TTPAL: variants seen among roughly 807,000 people sequenced by gnomAD.
The protein encoded by TTPAL is alpha-tocopherol transfer protein-like.
TTPAL carries 21 observed loss-of-function variants against 28.7 expected under a neutral mutation model. That is an observed-to-expected ratio of 0.73 (90% CI 0.52 to 1.06). The LOEUF (loss-of-function observed/expected upper bound fraction) is 1.06, where lower values mean the gene tolerates loss of function less well. Among genes scored for constraint, TTPAL ranks in the 50% least tolerant of loss-of-function variants. The pLI is 0.00. For missense variants in TTPAL, 345 were observed against 425.5 expected, an observed-to-expected ratio of 0.81 and a Z score of 1.67; for synonymous variants, 169 against 171.9, an observed-to-expected ratio of 0.98 and a Z score of 0.13.
chr20:44,479,801 A>C (rs1397022006), intron 1 of TTPAL, among the ~76,000 whole-genome samples, 184 bp from the exon 2 acceptor site: 1 of 152,140 alleles, frequency 6.6e-6, no homozygotes, highest in African/African-American at 2.4e-5. Context: ...CCTGGGGACT[A>C]ACAGCAGCCG....
In TTPAL at chr20:44,480,104, G is replaced by A; in HGVS notation, c.105G>A (p.Leu35=). 4 of 1,614,186 alleles carry A rather than the reference G, an allele frequency of 2.5e-6. No individual in the cohort carries two copies. Among genetic ancestry groups the A allele is most frequent in the Non-Finnish European group, 3.4e-6 (4 of 1,180,036 alleles). ...AGCCTCCGGGCTATGTGTGCTCACT[G>A]ACAGAAGACCTGGTCACCAAAGCCC... The part of the protein sequence containing the change: ...PPEPPGYVCS[L]TEDLVTKARE... Residue 35 remains leucine, a synonymous_variant, in exon 2 of 5, where the codon CTG becomes CTA. Coordinates refer to ENST00000262605, the MANE Select transcript of TTPAL (RefSeq NM_001039199.3). This position sits in a 1 kb window ranked among gnomAD's most constrained non-coding sequence, Gnocchi z 4.1.
chr20:44,477,643 C>CTATCTATCTATT, intron 1 of TTPAL, among the ~76,000 whole-genome samples: 1 of 149,976 alleles, frequency 6.7e-6, no homozygotes, highest in South Asian at 2.1e-4. Flanking sequence ...ATCTATCTAT[C>CTATCTATCTATT]TATTTATTTA....
At chr20:44,484,732 G>T (rs1600791199) in intron 3 of TTPAL, among the ~76,000 whole-genome samples, 1 of 152,210 alleles carries the variant, frequency 6.6e-6, no homozygotes, top group African/African-American at 2.4e-5. Context: ...CTCTGGAGTA[G>T]GTACTTCAGT....
chr20:44,493,541 G>C lies in TTPAL; in HGVS notation c.*4000G>C, dbSNP rs533871468. Reference sequence around the variant, plus strand: ...TTAAAGTTGCCAACATTTAATTAAGGTTTTCCTTTGAAGCCTCCTTTAATT... The same window carrying C: ...TTAAAGTTGCCAACATTTAATTAAGCTTTTCCTTTGAAGCCTCCTTTAATT... On this transcript the variant is annotated 3_prime_UTR_variant, in exon 5 of 5. Transcript: ENST00000262605. 3 of 152,226 alleles carry C rather than the reference G, an allele frequency of 2.0e-5. No individual in the cohort carries two copies. Among genetic ancestry groups the C allele is most frequent in the Non-Finnish European group, 4.4e-5 (3 of 68,026 alleles). The allele number at this position is 152,226 out of a possible 1,614,324, so 9.4% of individuals were successfully genotyped here.
chr20:44,479,055 C>T (rs1482792765), intron 1 of TTPAL, among the ~76,000 whole-genome samples: 1 of 152,220 alleles, frequency 6.6e-6, no homozygotes, highest in Non-Finnish European at 1.5e-5. Flanking sequence ...TCCCAAAATG[C>T]TGGGATTACA....
rs1230433486 is a variant in TTPAL, at chr20:44,486,636, A to G, written c.680A>G (p.Asn227Ser). Residue 227 changes from asparagine (N) to serine (S), a missense_variant, in exon 4 of 5, where the codon AAT (asparagine) becomes AGT (serine). Coordinates refer to ENST00000262605, the MANE Select transcript of TTPAL (RefSeq NM_001039199.3). The stretch of plus-strand genomic sequence containing the variant: ...CGGATAAAAGCAGTCCATGTGGTGA[A>G]TGAACCTCGAATATTTAAAGGCATT... ...PIRIKAVHVV[N>S]EPRIFKGIFA... 1 of 1,613,814 alleles carries G rather than the reference A, an allele frequency of 6.2e-7. No homozygotes were observed. The highest frequency in any genetic ancestry group is 8.5e-7 in the Non-Finnish European group (1 of 1,179,904).
intron 4 of TTPAL, among the ~76,000 whole-genome samples, chr20:44,488,941 G>T (rs980351528): frequency 2.0e-5 from 3 of 152,194 alleles, no homozygotes; most frequent in Admixed American, 1.3e-4. Flanking sequence ...GGACAAGAGT[G>T]GGAGCAGGGA....
rs773660034 is a variant in TTPAL, at chr20:44,480,207, C to T, written c.208C>T (p.Pro70Ser). 1.2e-6 allele frequency: 2 copies of T among 1,613,994 alleles called. No homozygotes were observed. Among genetic ancestry groups the T allele is most frequent in the Admixed American group, 1.7e-5 (1 of 59,992 alleles). ...ALRDMVRKEY[P>S]NLSTSLDDAF... ...TCGTGACATGGTGCGGAAGGAGTACCCCAACCTGAGCACATCCCTCGACGA... is the reference window on the plus strand; with the variant it reads ...TCGTGACATGGTGCGGAAGGAGTACTCCAACCTGAGCACATCCCTCGACGA... The change falls in exon 2 of 5, where the codon CCC becomes TCC. Residue 70 changes from proline to serine, a missense_variant. Transcript: ENST00000262605. This position sits in a 1 kb window ranked among gnomAD's most constrained non-coding sequence, Gnocchi z 4.1.
At chr20:44,486,130 G>C (rs1298462347) in intron 3 of TTPAL, 1 of 152,262 alleles carries the variant, frequency 6.6e-6, no homozygotes, top group African/African-American at 2.4e-5. Context: ...ATCCAGGCTG[G>C]AGTACAGTGA....
rs2064219328 is a variant in TTPAL, at chr20:44,492,771, T to G, written c.*3230T>G. 6.6e-6 allele frequency: 1 copy of G among 152,334 alleles called. No homozygotes were observed. Among genetic ancestry groups the G allele is most frequent in the Non-Finnish European group, 1.5e-5 (1 of 68,032 alleles). The allele number at this position is 152,334 out of a possible 1,614,324, so 9.4% of individuals were successfully genotyped here. On this transcript the variant is annotated 3_prime_UTR_variant, in exon 5 of 5. Coordinates refer to ENST00000262605, the MANE Select transcript of TTPAL (RefSeq NM_001039199.3). ...TGTTCTGCCTTCATGGGGGAGAGAC[T>G]GGATGAAATCTACAAAAACAGCCAA...
intron 3 of TTPAL, among the ~76,000 whole-genome samples, chr20:44,485,345 G>A (rs1454851469): frequency 2.6e-5 from 4 of 152,054 alleles, no homozygotes; most frequent in Admixed American, 2.6e-4. Context: ...AGTCATCAGG[G>A]CCTATTCAGT....
intron 1 of TTPAL, among the ~76,000 whole-genome samples, chr20:44,476,875 C>T (rs1309829684): frequency 6.6e-6 from 1 of 152,078 alleles, no homozygotes; most frequent in African/African-American, 2.4e-5. Context: ...TAAATGAGTG[C>T]GTGGTGAAAC....
At chr20:44,479,562 A>G (rs1424491448) in intron 1 of TTPAL, among the ~76,000 whole-genome samples, 1 of 151,090 alleles carries the variant, frequency 6.6e-6, no homozygotes, top group South Asian at 2.1e-4. Context: ...CACCTACCTA[A>G]TTTTTGTATT....
chr20:44,476,971 C>T (rs2064049713), intron 1 of TTPAL, among the ~76,000 whole-genome samples: 1 of 152,190 alleles, frequency 6.6e-6, no homozygotes, highest in Non-Finnish European at 1.5e-5. Context: ...TGGAGGGAAT[C>T]ACCCTCAGGG....
In TTPAL at chr20:44,480,049, T is replaced by G. The variant is rs1016097965; in HGVS notation, c.50T>G (p.Leu17Arg). The G allele has an allele frequency of 1.9e-6, 3 of 1,613,990 alleles. No individual in the cohort carries two copies. Among genetic ancestry groups the G allele is most frequent in the African/African-American group, 1.3e-5 (1 of 74,908 alleles). ...SLRTSPSVASLSENELPPPPE... is the reference protein window; with the variant it reads ...SLRTSPSVASRSENELPPPPE... Reference sequence around the variant, plus strand: ...AGAACCAGCCCTTCTGTGGCCTCACTCTCTGAAAATGAGCTGCCACCACCA... The same window carrying G: ...AGAACCAGCCCTTCTGTGGCCTCACGCTCTGAAAATGAGCTGCCACCACCA... Residue 17 changes from leucine to arginine, a missense_variant, in exon 2 of 5, where the codon CTC (leucine) becomes CGC (arginine). Leu to Arg is a moderately radical substitution (Grantham distance 102). Coordinates refer to ENST00000262605, the MANE Select transcript of TTPAL (RefSeq NM_001039199.3). The surrounding 1 kb of genome is among the most constrained non-coding windows in gnomAD (Gnocchi z 4.1).
Position 44,480,051 on chromosome 20 carries a change from T to C in TTPAL, c.52T>C (p.Ser18Pro). 1 of 1,614,096 alleles carries C rather than the reference T, an allele frequency of 6.2e-7. No homozygotes were observed. The highest frequency in any genetic ancestry group is 8.5e-7 in the Non-Finnish European group (1 of 1,180,006). ...LRTSPSVASL[S>P]ENELPPPPEP... Reference sequence around the variant, plus strand: ...AACCAGCCCTTCTGTGGCCTCACTCTCTGAAAATGAGCTGCCACCACCACC... The same window carrying C: ...AACCAGCCCTTCTGTGGCCTCACTCCCTGAAAATGAGCTGCCACCACCACC... The change falls in exon 2 of 5, where the codon TCT becomes CCT. Residue 18 changes from serine to proline, a missense_variant. Physicochemically the swap from Ser to Pro is moderately conservative, Grantham distance 74. Transcript: ENST00000262605. The surrounding 1 kb of genome is among the most constrained non-coding windows in gnomAD (Gnocchi z 4.1).
In TTPAL at chr20:44,480,512, G is replaced by C. The variant is rs570917402; in HGVS notation, c.445+68G>C. The C allele has an allele frequency of 2.6e-5, 38 of 1,438,866 alleles. No individual in the cohort carries two copies. The highest frequency in any genetic ancestry group is 3.3e-5 in the Non-Finnish European group (35 of 1,072,832). The allele number at this position is 1,438,866 out of a possible 1,614,324, so 89.1% of individuals were successfully genotyped here. A position where few individuals can be genotyped will look rare whatever the true frequency, so the allele number is the denominator to read the frequency against. ...CTGCAGTGTGTCCATTCAGCACCCT[G>C]TCCTCCTTTCCAAGTCCCTTTTTTA... On this transcript the variant is annotated intron_variant, in intron 2 of 4. Coordinates refer to ENST00000262605, the MANE Select transcript of TTPAL (RefSeq NM_001039199.3). This position sits in a 1 kb window ranked among gnomAD's most constrained non-coding sequence, Gnocchi z 4.1.
rs199850704 is a variant in TTPAL at position 44,489,305 on chromosome 20, C to A, written c.793C>A (p.Leu265Ile). 5.6e-6 allele frequency: 9 copies of A among 1,614,158 alleles called. No homozygotes were observed. The African/African-American group carries it at 1.2e-4, about 22-fold the overall frequency. The change falls in exon 5 of 5, where the codon CTT (leucine) becomes ATT (isoleucine). Residue 265 changes from leucine (L) to isoleucine (I), a missense_variant. By Grantham distance (5) the Leu-to-Ile change is conservative. Transcript: ENST00000262605. ...GSDLNSLHTNLPRSILPKEYG... is the reference protein window; with the variant it reads ...GSDLNSLHTNIPRSILPKEYG... The stretch of plus-strand genomic sequence containing the variant: ...TGACTTGAACTCTCTCCACACAAAC[C>A]TTCCAAGAAGCATCCTCCCCAAGGA...
At chr20:44,481,002 C>T (rs1007776531) in intron 2 of TTPAL, among the ~76,000 whole-genome samples, 2 of 152,188 alleles carry the variant, frequency 1.3e-5, no homozygotes, top group Non-Finnish European at 2.9e-5. Context: ...TCTCTGAGCC[C>T]TCTTTGTGAA....
Sources: allele counts gnomAD v4.1 joint callset (sites outside exome capture counted in the v4.1 genomes callset), GRCh38; gene constraint gnomAD v4.1.1; non-coding constraint Gnocchi (gnomAD v3.1); transcripts MANE v1.5; gene names NCBI Gene and HGNC (gene_info 2026-07-23, HGNC 2026-07-21).